Variants in VPS13B observed in about 807,000 individuals in gnomAD.
The protein encoded by VPS13B is vacuolar protein sorting 13 homolog B.
VPS13B carries 285 observed loss-of-function variants against 426.4 expected under a neutral mutation model. The observed-to-expected ratio is 0.67, with a 90% confidence interval of 0.61 to 0.74. The LOEUF (loss-of-function observed/expected upper bound fraction) is 0.74. Among genes scored for constraint, VPS13B ranks in the 30% least tolerant of loss-of-function variants. The pLI, the probability that VPS13B is intolerant of heterozygous loss-of-function variation, is 0.00. For synonymous variants in VPS13B, 1,676 were observed against 1,676.4 expected (o/e 1.00, Z 0.01); for missense variants, 4,537 against 4,782.6 (o/e 0.95, Z 1.51).
chr8:99,192,838 A>G (rs1381000346), intron 16 of VPS13B, 38 bp from the exon 17 acceptor site: 2 of 1,607,480 alleles, frequency 1.2e-6, no homozygotes, highest in Non-Finnish European at 1.7e-6. Context: ...TGTAAATGCT[A>G]TTTACTGTAT....
chr8:99,220,109 T>C (rs1815626272), intron 17 of VPS13B, among the ~76,000 whole-genome samples: 1 of 152,198 alleles, frequency 6.6e-6, no homozygotes, highest in Non-Finnish European at 1.5e-5. Flanking sequence ...ATTGTTTGTT[T>C]CCTGCCATGA....
intron 39 of VPS13B, among the ~76,000 whole-genome samples, chr8:99,723,650 A>G (rs1833218195): frequency 6.6e-6 from 1 of 152,168 alleles, no homozygotes; most frequent in African/African-American, 2.4e-5. Context: ...CAGCTGGAGT[A>G]GTCCAGGAGA....
At chr8:99,767,719 A>G (rs1190874306) in intron 40 of VPS13B, among the ~76,000 whole-genome samples, 2 of 152,126 alleles carry the variant, frequency 1.3e-5, no homozygotes, top group African/African-American at 4.8e-5. Context: ...GCTTGAGCCC[A>G]TGAGTTTGAG....
intron 22 of VPS13B, among the ~76,000 whole-genome samples, chr8:99,437,388 G>A (rs1817435316): frequency 6.6e-6 from 1 of 151,000 alleles, no homozygotes; most frequent in African/African-American, 2.4e-5. Context: ...ATGTAGTCTT[G>A]GACAGTCTTT....
intron 3 of VPS13B, among the ~76,000 whole-genome samples, chr8:99,064,731 A>C (rs1156594616): frequency 2.6e-5 from 4 of 152,216 alleles, no homozygotes; most frequent in African/African-American, 9.6e-5. Flanking sequence ...AGGCAGGCCA[A>C]CATTCAAATT....
rs576139432 is a variant in VPS13B at position 99,232,223 on chromosome 8, A to C, written c.2515+39166A>C. Among the ~76,000 whole-genome samples, 45 of 152,278 alleles carry C rather than the reference A, an allele frequency of 3.0e-4. No individual in the cohort carries two copies. The South Asian group carries it at 9.3e-3, about 32-fold the overall frequency. On this transcript the variant is annotated intron_variant, in intron 17 of 61. Transcript: ENST00000357162. ...GGAGGGAGGTGAGAGATAAACAGAGAGAGAGATAGAGAATTATATAGCAGT... is the reference window on the plus strand; with the variant it reads ...GGAGGGAGGTGAGAGATAAACAGAGCGAGAGATAGAGAATTATATAGCAGT...
chr8:99,866,211 C>T (rs1460038094), intron 58 of VPS13B, among the ~76,000 whole-genome samples: 7 of 152,240 alleles, frequency 4.6e-5, no homozygotes. Context: ...CTATGACAGT[C>T]CATAATTTAC....
intron 35 of VPS13B, chr8:99,697,260 G>A (rs1832063092): frequency 3.4e-6 from 2 of 585,500 alleles, no homozygotes; most frequent in East Asian, 3.2e-5. Flanking sequence ...CATCCAGCAG[G>A]AGCACCACAA....
At chr8:99,494,119 T>G (rs1361468402) in intron 25 of VPS13B, among the ~76,000 whole-genome samples, 1 of 152,120 alleles carries the variant, frequency 6.6e-6, no homozygotes, top group Non-Finnish European at 1.5e-5. Context: ...TTACTATAAG[T>G]TTTTTGGCTT....
At chr8:99,831,001 G>C (rs148239683) in intron 51 of VPS13B, among the ~76,000 whole-genome samples, 2,202 of 151,486 alleles carry the variant, frequency 0.015, 61 homozygotes, top group African/African-American at 0.051. Context: ...TCCACCTTCT[G>C]TGTTGGTCTC....
chr8:99,866,128 C>G (rs965424186), intron 58 of VPS13B, among the ~76,000 whole-genome samples: 2 of 152,274 alleles, frequency 1.3e-5, no homozygotes, highest in African/African-American at 4.8e-5. Context: ...TCGCCCACCC[C>G]ACGGGCCTGA....
At chr8:99,336,145 G>A (rs1380700294) in intron 19 of VPS13B, among the ~76,000 whole-genome samples, 1 of 152,088 alleles carries the variant, frequency 6.6e-6, no homozygotes, top group East Asian at 1.9e-4. Flanking sequence ...AAAACAGCAA[G>A]GTACTGGTAC....
At chr8:99,546,255 G>A (rs989393353) in intron 30 of VPS13B, among the ~76,000 whole-genome samples, 3 of 151,386 alleles carry the variant, frequency 2.0e-5, no homozygotes, top group African/African-American at 7.3e-5. Flanking sequence ...CACATCTAAA[G>A]GTTTTTTTTT....
intron 39 of VPS13B, among the ~76,000 whole-genome samples, chr8:99,751,188 T>G (rs1810377483): frequency 6.6e-6 from 1 of 152,166 alleles, no homozygotes; most frequent in Admixed American, 6.6e-5. Flanking sequence ...TTTTAGCTTT[T>G]CATGCTTTTT....
chr8:99,688,462 ACCAG>A (rs1831512116), intron 35 of VPS13B, among the ~76,000 whole-genome samples: 1 of 152,040 alleles, frequency 6.6e-6, no homozygotes, highest in South Asian at 2.1e-4. Context: ...TTGGCTTGGG[ACCAG>A]ATAAAGAGGG....
chr8:99,234,114 A>C, intron 17 of VPS13B: 1 of 783,742 alleles, frequency 1.3e-6, no homozygotes. Context: ...CTCCCGGAAG[A>C]GTGGTCCCCA....
At chr8:99,682,951 AG>A (rs1212864343) in intron 35 of VPS13B, among the ~76,000 whole-genome samples, 2 of 152,210 alleles carry the variant, frequency 1.3e-5, no homozygotes, top group African/African-American at 4.8e-5. Flanking sequence ...CCACAACTCT[AG>A]GACTTGAAGA....
intron 16 of VPS13B, among the ~76,000 whole-genome samples, chr8:99,183,094 A>G (rs1274964426): frequency 6.6e-6 from 1 of 152,196 alleles, no homozygotes; most frequent in African/African-American, 2.4e-5. Flanking sequence ...GAGGAAGACT[A>G]TAATTCACCT....
At chr8:99,104,273 T>C (rs1447083765) in intron 5 of VPS13B, among the ~76,000 whole-genome samples, 1 of 152,194 alleles carries the variant, frequency 6.6e-6, no homozygotes, top group African/African-American at 2.4e-5. Context: ...AAAAATATAG[T>C]ATTATAATCT....
Sources: allele counts gnomAD v4.1 joint callset (sites outside exome capture counted in the v4.1 genomes callset), GRCh38; gene constraint gnomAD v4.1.1; transcripts MANE v1.5; gene names NCBI Gene and HGNC (gene_info 2026-07-23, HGNC 2026-07-21).